SRGAP1: variants seen among roughly 807,000 people sequenced by gnomAD.
SRGAP1 encodes the protein SLIT-ROBO Rho GTPase-activating protein 1.
In SRGAP1, 43 loss-of-function variants were observed where a neutral mutation model predicts 121.9. That is an observed-to-expected ratio of 0.35 (90% confidence interval 0.28 to 0.46). SRGAP1 has a LOEUF of 0.46. SRGAP1 is among the 20% of genes least tolerant of loss of function. The pLI is 1.00. For missense variants in SRGAP1, 1,102 were observed against 1,350.9 expected (o/e 0.82, Z 2.89); for synonymous variants, 447 against 485.4 (o/e 0.92, Z 1.04).
Position 64,137,964 on chromosome 12 carries a change from AT to A in SRGAP1, c.2881-4330del, listed in dbSNP as rs1387135410. ...TCTTAATTGTGCTTAAAAAAAAAAT[AT>A]ATATATATATATATATAAAAAATAA... is the stretch of plus-strand genomic sequence containing the variant. On this transcript the variant is annotated intron_variant, in intron 21 of 21. Transcript: ENST00000355086. 2.4e-3 allele frequency among the ~76,000 whole-genome samples: 279 copies of A among 118,708 alleles called. 3 individuals are homozygous for A. The highest frequency in any genetic ancestry group is 7.9e-3 in the African/African-American group (243 of 30,886). 77.9% of individuals were successfully genotyped at this position (118,708 alleles called of 152,430 possible).
chr12:63,943,750 G>C (rs2031945675), intron 1 of SRGAP1, among the ~76,000 whole-genome samples: 1 of 152,138 alleles, frequency 6.6e-6, no homozygotes. Context: ...GTGGGCCATG[G>C]GGTATACAGA....
chr12:63,894,093 C>A (rs1900672720), intron 1 of SRGAP1, among the ~76,000 whole-genome samples: 1 of 152,358 alleles, frequency 6.6e-6, no homozygotes, highest in East Asian at 1.9e-4. Flanking sequence ...CCTGCCTCAG[C>A]CTCCCAAAGT....
intron 1 of SRGAP1, among the ~76,000 whole-genome samples, chr12:63,909,882 AGTTT>A: frequency 6.6e-6 from 1 of 152,312 alleles, no homozygotes; most frequent in East Asian, 1.9e-4. Context: ...AGGAAACCTG[AGTTT>A]TTACTGTTAA....
Position 64,010,775 on chromosome 12 carries a change from T to A in SRGAP1, c.427-6175T>A, listed in dbSNP as rs7297628. Among the ~76,000 whole-genome samples, 693 of 151,788 alleles carry A rather than the reference T, an allele frequency of 4.6e-3. 4 individuals are homozygous for A. The highest frequency in any genetic ancestry group is 0.016 in the African/African-American group (642 of 41,302). On this transcript the variant is annotated intron_variant, in intron 3 of 21. Transcript: ENST00000355086. ...CTGTGACAGAGATAATTAGCAATTCTTTTTTGTCAGTGGAAAAACTGAGGC... is the reference window on the plus strand; with the variant it reads ...CTGTGACAGAGATAATTAGCAATTCATTTTTGTCAGTGGAAAAACTGAGGC...
chr12:63,986,689 C>G (rs940537528), intron 2 of SRGAP1, among the ~76,000 whole-genome samples: 3 of 152,172 alleles, frequency 2.0e-5, no homozygotes, highest in African/African-American at 7.2e-5. Flanking sequence ...TCCCAAAGTA[C>G]AGGGATGACA....
intron 4 of SRGAP1, among the ~76,000 whole-genome samples, chr12:64,041,898 A>ATT (rs1472803433): frequency 1.4e-5 from 2 of 143,128 alleles, no homozygotes; most frequent in African/African-American, 5.2e-5. Context: ...TATTATTATT[A>ATT]TTATTATTAT....
At chr12:63,986,310 C>T (rs978555597) in intron 2 of SRGAP1, among the ~76,000 whole-genome samples, 4 of 152,088 alleles carry the variant, frequency 2.6e-5, no homozygotes, top group African/African-American at 9.7e-5. Flanking sequence ...ATGTATTTAA[C>T]AGAGAGCGGG....
intron 15 of SRGAP1, among the ~76,000 whole-genome samples, chr12:64,107,164 A>G (rs868831705): frequency 3.1e-4 from 47 of 152,264 alleles, no homozygotes; most frequent in Middle Eastern, 3.4e-3. Context: ...TTCCTAATAG[A>G]TTTTTCGTAC....
chr12:63,858,710 C>T (rs544882658), intron 1 of SRGAP1, among the ~76,000 whole-genome samples: 32 of 151,962 alleles, frequency 2.1e-4, no homozygotes, highest in Non-Finnish European at 3.8e-4. Context: ...ATAAATTATA[C>T]TTTTCTTTTT....
chr12:64,058,815 G>GAA (rs10716972), intron 6 of SRGAP1, among the ~76,000 whole-genome samples: 1 of 148,890 alleles, frequency 6.7e-6, no homozygotes, highest in Non-Finnish European at 1.5e-5. Context: ...TTCTAGTTTA[G>GAA]AAAAAAAAAA....
rs767621067 is a variant in SRGAP1 at position 64,078,877 on chromosome 12, T to A, written c.1126-42T>A. On this transcript the variant is annotated intron_variant, in intron 8 of 21. Coordinates refer to ENST00000355086, the MANE Select transcript of SRGAP1 (RefSeq NM_020762.4). ...GGACTCTCCCTGTTTGTGGGATTCA[T>A]GAAATAATGTACTAACGTGAGAAAT... The A allele has an allele frequency of 2.5e-6, 4 of 1,593,184 alleles. No homozygotes were observed. In the Admixed American group the frequency reaches 6.7e-5, roughly 27 times the overall value.
At chr12:64,081,397 A>C (rs1369100257) in intron 10 of SRGAP1, 1 of 152,126 alleles carries the variant, frequency 6.6e-6, no homozygotes. Context: ...GGGAATGACC[A>C]CATGGAGAAA....
chr12:64,069,693 C>A (rs556409607), intron 8 of SRGAP1, among the ~76,000 whole-genome samples: 2 of 152,152 alleles, frequency 1.3e-5, no homozygotes, highest in South Asian at 2.1e-4. Context: ...GACAGGGTCC[C>A]GCTCTGTCAT....
chr12:63,996,324 A>T (rs1350204640), intron 3 of SRGAP1, among the ~76,000 whole-genome samples: 1 of 152,072 alleles, frequency 6.6e-6, no homozygotes, highest in Non-Finnish European at 1.5e-5. Context: ...CATATAGAAT[A>T]TTATTAGCAT....
chr12:64,122,015 C>T (rs116156955), intron 18 of SRGAP1, among the ~76,000 whole-genome samples: 3,493 of 152,224 alleles, frequency 0.023, 128 homozygotes, highest in African/African-American at 0.08. Context: ...GACAGGCTAT[C>T]ACAGAACAAA....
chr12:63,942,048 AG>A (rs1653848521), intron 1 of SRGAP1, among the ~76,000 whole-genome samples: 1 of 152,150 alleles, frequency 6.6e-6, no homozygotes. Context: ...ACTCCTTTGA[AG>A]GAAGAACCTA....
At chr12:63,879,334 G>A (rs1167103198) in intron 1 of SRGAP1, 1 of 152,126 alleles carries the variant, frequency 6.6e-6, no homozygotes, top group African/African-American at 2.4e-5. Context: ...TTTTAAGGGG[G>A]AAAAATGCAC....
chr12:63,891,803 A>G (rs1900589709), intron 1 of SRGAP1, among the ~76,000 whole-genome samples: 1 of 151,980 alleles, frequency 6.6e-6, no homozygotes, highest in Non-Finnish European at 1.5e-5. Flanking sequence ...CCTGGCCAAC[A>G]TAGTAAAACC....
intron 3 of SRGAP1, among the ~76,000 whole-genome samples, chr12:64,004,720 T>G (rs552276671): frequency 6.9e-4 from 105 of 152,272 alleles, no homozygotes; most frequent in Middle Eastern, 3.4e-3. Context: ...CCTTACCCAT[T>G]TTTCTCATCT....
Sources: allele counts gnomAD v4.1 joint callset (sites outside exome capture counted in the v4.1 genomes callset), GRCh38; gene constraint gnomAD v4.1.1; transcripts MANE v1.5; gene names NCBI Gene and HGNC (gene_info 2026-07-23, HGNC 2026-07-21).